Variants in DPYSL2 observed in about 807,000 individuals in gnomAD.
DPYSL2 encodes dihydropyrimidinase like 2.
In DPYSL2, 13 loss-of-function variants were observed where a neutral mutation model predicts 69.9. That is an observed-to-expected ratio of 0.19 (90% CI 0.12 to 0.30). The LOEUF (loss-of-function observed/expected upper bound fraction) is 0.30. DPYSL2 is among the 10% of genes least tolerant of loss of function. The pLI, the probability that DPYSL2 is intolerant of heterozygous loss-of-function variation, is 1.00. For missense variants in DPYSL2, 587 were observed against 918.9 expected, an observed-to-expected ratio of 0.64 and a Z score of 4.67; for synonymous variants, 326 against 359.1, an observed-to-expected ratio of 0.91 and a Z score of 1.04.
chr8:26,518,373 G>A (rs988295060), intron 1 of DPYSL2, among the ~76,000 whole-genome samples: 4 of 152,128 alleles, frequency 2.6e-5, no homozygotes, highest in African/African-American at 7.2e-5. Flanking sequence ...GGGAAGGAAA[G>A]GATGAAAATC....
intron 3 of DPYSL2, among the ~76,000 whole-genome samples, chr8:26,604,623 A>C (rs186140061): frequency 4.0e-5 from 6 of 151,558 alleles, no homozygotes; most frequent in African/African-American, 1.5e-4. Context: ...GACGTTAGCT[A>C]TCTTCATCTC....
In DPYSL2 at chr8:26,523,684, A is replaced by G. The variant is rs901465779; in HGVS notation, c.354+9005A>G. ...TTTTTTCTTTTTTTCCTTAAGAGAC[A>G]GGGTCTTGCTCTGTCACCCAGGCAG... On this transcript the variant is annotated intron_variant, in intron 1 of 13. Coordinates refer to ENST00000521913, the MANE Select transcript of DPYSL2 (RefSeq NM_001197293.3). 2.6e-5 allele frequency among the ~76,000 whole-genome samples: 4 copies of G among 152,004 alleles called. No homozygotes were observed. The South Asian group carries it at 6.2e-4, about 24-fold the overall frequency.
At chr8:26,574,474 C>A (rs911961821) in intron 1 of DPYSL2, among the ~76,000 whole-genome samples, 15 of 152,132 alleles carry the variant, frequency 9.9e-5, no homozygotes, top group African/African-American at 3.6e-4. Flanking sequence ...CGGGATGTTA[C>A]CATTTCACTA....
chr8:26,553,288 C>T (rs935317794), intron 1 of DPYSL2, among the ~76,000 whole-genome samples: 6 of 152,096 alleles, frequency 3.9e-5, no homozygotes, highest in South Asian at 2.1e-4. Context: ...AAACTTATGT[C>T]GTGGGGGGTT....
Position 26,648,321 on chromosome 8 carries a change from C to T in DPYSL2, c.1596+521C>T, listed in dbSNP as rs901202180. Among the ~76,000 whole-genome samples the T allele has an allele frequency of 6.6e-6, 1 of 152,204 alleles. No individual in the cohort carries two copies. Among genetic ancestry groups the T allele is most frequent in the Non-Finnish European group, 1.5e-5 (1 of 68,038 alleles). On this transcript the variant is annotated intron_variant, in intron 11 of 13. Coordinates refer to ENST00000521913, the MANE Select transcript of DPYSL2 (RefSeq NM_001197293.3). This position sits in a 1 kb window ranked among gnomAD's most constrained non-coding sequence, Gnocchi z 4.3. ...ACTTCTCCCTAACAGAAGTACCCCC[C>T]AGCCATTTGATTGTTGTTTTAGGAT...
intron 1 of DPYSL2, among the ~76,000 whole-genome samples, chr8:26,561,394 TGAGTG>T (rs1377774041): frequency 1.3e-5 from 2 of 152,172 alleles, no homozygotes; most frequent in African/African-American, 4.8e-5. Flanking sequence ...TTACCATCCA[TGAGTG>T]GATGTTCCTA....
chr8:26,655,765 A>T lies in DPYSL2; in HGVS notation c.*59A>T. The T allele has an allele frequency of 5.7e-6, 7 of 1,226,900 alleles. No individual in the cohort carries two copies. The highest frequency in any genetic ancestry group is 7.8e-6 in the Non-Finnish European group (7 of 897,672). The allele number at this position is 1,226,900 out of a possible 1,614,324, so 76.0% of individuals were successfully genotyped here. On this transcript the variant is annotated 3_prime_UTR_variant, in exon 14 of 14. Coordinates refer to ENST00000521913, the MANE Select transcript of DPYSL2 (RefSeq NM_001197293.3). The stretch of plus-strand genomic sequence containing the variant: ...GGATGGGACACCTGAGGACATTCTG[A>T]GACTTCTTTCTTCCTTCCTTTTTTT...
intron 1 of DPYSL2, among the ~76,000 whole-genome samples, chr8:26,575,382 G>A (rs1055839828): frequency 6.6e-6 from 1 of 151,720 alleles, no homozygotes; most frequent in Non-Finnish European, 1.5e-5. Flanking sequence ...TCAGTGCAAA[G>A]CAGGTGGAAG....
At position 26,564,625 on chromosome 8, in the gene DPYSL2, T is replaced by C. The variant is rs774545244; in HGVS notation, c.355-17344T>C. On this transcript the variant is annotated intron_variant, in intron 1 of 13. Transcript: ENST00000521913. The surrounding 1 kb of genome is among the most constrained non-coding windows in gnomAD (Gnocchi z 4.8). ...CCAGACTGAGCTCATGAGAACACGA[T>C]TGAGGATGACCCAGGAAGCATGGCA... Among the ~76,000 whole-genome samples, 1 of 152,016 alleles carries C rather than the reference T, an allele frequency of 6.6e-6. No homozygotes were observed. The highest frequency in any genetic ancestry group is 2.4e-5 in the African/African-American group (1 of 41,376).
At chr8:26,577,285 G>A (rs1362114438) in intron 1 of DPYSL2, 2 of 292,062 alleles carry the variant, frequency 6.8e-6, no homozygotes, top group South Asian at 2.6e-5. Flanking sequence ...CGCCCTCTCC[G>A]GGGCCGGGCG....
At chr8:26,537,041 A>AT in intron 1 of DPYSL2, among the ~76,000 whole-genome samples, 1 of 151,492 alleles carries the variant, frequency 6.6e-6, no homozygotes, top group African/African-American at 2.4e-5. Flanking sequence ...AATAATACGG[A>AT]TTTTTTTTTT....
intron 3 of DPYSL2, among the ~76,000 whole-genome samples, chr8:26,604,456 G>T (rs562199537): frequency 4.6e-5 from 7 of 152,166 alleles, no homozygotes; most frequent in African/African-American, 1.7e-4. Flanking sequence ...GGGGGTAGTG[G>T]CCCCAGCTGG....
At chr8:26,623,835 G>A (rs114123830) in intron 3 of DPYSL2, 102 of 301,994 alleles carry the variant, frequency 3.4e-4, no homozygotes, top group African/African-American at 2.1e-3. Context: ...CACTGCCATT[G>A]TCCATAAGGA....
Position 26,517,012 on chromosome 8 carries a change from T to C in DPYSL2, c.354+2333T>C, listed in dbSNP as rs1160333220. Among the ~76,000 whole-genome samples, 1 of 152,236 alleles carries C rather than the reference T, an allele frequency of 6.6e-6. No homozygotes were observed. Among genetic ancestry groups the C allele is most frequent in the Non-Finnish European group, 1.5e-5 (1 of 68,044 alleles). ...ATTAGTTGGTTTTCAACGAATGAGT[T>C]GGGTGAGTGCCAGCATCTCTGTGCA... is the stretch of plus-strand genomic sequence containing the variant. On this transcript the variant is annotated intron_variant, in intron 1 of 13. Transcript: ENST00000521913. The surrounding 1 kb of genome is among the most constrained non-coding windows in gnomAD (Gnocchi z 4.2).
intron 1 of DPYSL2, among the ~76,000 whole-genome samples, chr8:26,553,889 AT>A (rs1230288742): frequency 8.4e-6 from 1 of 119,446 alleles, no homozygotes; most frequent in South Asian, 2.5e-4. Flanking sequence ...AGTACCTGTT[AT>A]TTTTGGGCTT....
At chr8:26,584,104 A>C in intron 3 of DPYSL2, 121 bp downstream of exon 3, 1 of 937,964 alleles carries the variant, frequency 1.1e-6, no homozygotes, top group Non-Finnish European at 1.6e-6. Flanking sequence ...AATCTACCAA[A>C]TAAGGGGGTG....
At chr8:26,573,957 C>G (rs1259655930) in intron 1 of DPYSL2, among the ~76,000 whole-genome samples, 1 of 150,022 alleles carries the variant, frequency 6.7e-6, no homozygotes, top group East Asian at 2.0e-4. Flanking sequence ...CTCGTCATAG[C>G]AATGATGGCA....
rs538724885 is a variant in DPYSL2 at position 26,609,685 on chromosome 8, G to A, written c.629-14458G>A. Among the ~76,000 whole-genome samples, 49 of 152,314 alleles carry A rather than the reference G, an allele frequency of 3.2e-4. No individual in the cohort carries two copies. The highest frequency in any genetic ancestry group is 1.1e-3 in the African/African-American group (46 of 41,562). Reference sequence around the variant, plus strand: ...GCTGCCGGCTGCCACCCGTCGCTGAGCTGGAGCTCCCCAGAGTGCAGCCTG... The same window carrying A: ...GCTGCCGGCTGCCACCCGTCGCTGAACTGGAGCTCCCCAGAGTGCAGCCTG... On this transcript the variant is annotated intron_variant, in intron 3 of 13. Transcript: ENST00000521913. The surrounding 1 kb of genome is among the most constrained non-coding windows in gnomAD (Gnocchi z 6.5).
chr8:26,620,965 A>T lies in DPYSL2; in HGVS notation c.629-3178A>T, dbSNP rs192385881. 1.2e-3 allele frequency among the ~76,000 whole-genome samples: 178 copies of T among 152,340 alleles called. 1 individual carries two copies. Among genetic ancestry groups the T allele is most frequent in the African/African-American group, 4.1e-3 (170 of 41,570 alleles). ...ACATATTTTACATACACATATACACATATAAATACACACGTACATACATAC... is the reference window on the plus strand; with the variant it reads ...ACATATTTTACATACACATATACACTTATAAATACACACGTACATACATAC... On this transcript the variant is annotated intron_variant, in intron 3 of 13. Coordinates refer to ENST00000521913, the MANE Select transcript of DPYSL2 (RefSeq NM_001197293.3). The surrounding 1 kb of genome is among the most constrained non-coding windows in gnomAD (Gnocchi z 4.5).
Sources: allele counts gnomAD v4.1 joint callset (sites outside exome capture counted in the v4.1 genomes callset), GRCh38; gene constraint gnomAD v4.1.1; non-coding constraint Gnocchi (gnomAD v3.1); transcripts MANE v1.5; gene names NCBI Gene and HGNC (gene_info 2026-07-23, HGNC 2026-07-21).